Variants in MYO5B observed in about 807,000 individuals in gnomAD.
The protein encoded by MYO5B is unconventional myosin-Vb.
In MYO5B, 143 loss-of-function variants were observed where a neutral mutation model predicts 229.3. The ratio of observed to expected loss-of-function variants is 0.62; its 90% CI spans 0.54 to 0.72. The LOEUF (loss-of-function observed/expected upper bound fraction) is 0.72, where lower values mean the gene tolerates loss of function less well. MYO5B is among the 30% of genes least tolerant of loss of function. The pLI is 0.00. For missense variants in MYO5B, 2,321 were observed against 2,331.0 expected, an observed-to-expected ratio of 1.00 and a Z score of 0.09; for synonymous variants, 918 against 885.2, an observed-to-expected ratio of 1.04 and a Z score of -0.66.
chr18:50,115,835 G>A (rs1440553225), intron 1 of MYO5B, among the ~76,000 whole-genome samples: 1 of 152,078 alleles, frequency 6.6e-6, no homozygotes, highest in Admixed American at 6.5e-5. Flanking sequence ...GGGGAGGGTA[G>A]TGGTAGGTAA....
At chr18:50,004,986 T>A (rs2026086266) in intron 4 of MYO5B, among the ~76,000 whole-genome samples, 1 of 152,212 alleles carries the variant, frequency 6.6e-6, no homozygotes, top group Non-Finnish European at 1.5e-5. Context: ...TTATTTGACC[T>A]TCAGATCATC....
At chr18:50,144,167 C>T (rs2032463411) in intron 1 of MYO5B, among the ~76,000 whole-genome samples, 1 of 152,100 alleles carries the variant, frequency 6.6e-6, no homozygotes. Flanking sequence ...TGTAGGAAAC[C>T]CAAACAATCC....
intron 1 of MYO5B, among the ~76,000 whole-genome samples, chr18:50,096,501 T>C (rs1429091056): frequency 6.6e-6 from 1 of 152,070 alleles, no homozygotes; most frequent in East Asian, 1.9e-4. Context: ...GGTCTGGCTA[T>C]GTCACTCCGT....
intron 22 of MYO5B, among the ~76,000 whole-genome samples, chr18:49,884,295 C>T (rs1336788649): frequency 1.3e-5 from 2 of 152,166 alleles, no homozygotes; most frequent in East Asian, 1.9e-4. Flanking sequence ...AATTTTTCCA[C>T]GGACCAGGGT....
Position 49,937,589 on chromosome 18 carries a change from T to C in MYO5B, c.1753-192A>G, listed in dbSNP as rs79019648. On this transcript the variant is annotated intron_variant, in intron 14 of 39. Coordinates refer to ENST00000285039, the MANE Select transcript of MYO5B (RefSeq NM_001080467.3). Reference sequence around the variant, plus strand: ...TAGGAACAACCCAAATACCAACTGATGAATGGACAAACAAATGTGGTACCT... The same window carrying C: ...TAGGAACAACCCAAATACCAACTGACGAATGGACAAACAAATGTGGTACCT... 4.1e-3 allele frequency among the ~76,000 whole-genome samples: 617 copies of C among 152,254 alleles called. 6 individuals are homozygous for C. Among genetic ancestry groups the C allele is most frequent in the African/African-American group, 0.014 (585 of 41,550 alleles).
At chr18:49,994,291 A>T (rs2025964126) in intron 5 of MYO5B, among the ~76,000 whole-genome samples, 1 of 152,212 alleles carries the variant, frequency 6.6e-6, no homozygotes, top group Admixed American at 6.5e-5. Context: ...CACCCAGTAC[A>T]TGGTAAGCAC....
intron 4 of MYO5B, among the ~76,000 whole-genome samples, chr18:50,033,856 T>C (rs2026418006): frequency 6.6e-6 from 1 of 151,698 alleles, no homozygotes; most frequent in South Asian, 2.1e-4. Context: ...TCCTCTTCTC[T>C]TACGGCTATC....
At chr18:50,110,467 C>T (rs1360554848) in intron 1 of MYO5B, among the ~76,000 whole-genome samples, 1 of 152,120 alleles carries the variant, frequency 6.6e-6, no homozygotes, top group Non-Finnish European at 1.5e-5. Flanking sequence ...AAGTGGGGTA[C>T]TTGGTTGGCA....
chr18:50,115,011 C>T (rs149365162), intron 1 of MYO5B, among the ~76,000 whole-genome samples: 9 of 152,346 alleles, frequency 5.9e-5, no homozygotes, highest in East Asian at 1.9e-4. Context: ...AGAACAGAGA[C>T]GAAGCCAGAG....
At chr18:49,892,719 AACC>A (rs1241469066) in intron 22 of MYO5B, among the ~76,000 whole-genome samples, 2 of 152,198 alleles carry the variant, frequency 1.3e-5, no homozygotes, top group Non-Finnish European at 2.9e-5. Flanking sequence ...ACCTACCTCC[AACC>A]ACCACAACAA....
At chr18:49,929,178 G>T (rs975299692) in intron 17 of MYO5B, among the ~76,000 whole-genome samples, 1 of 152,134 alleles carries the variant, frequency 6.6e-6, no homozygotes, top group African/African-American at 2.4e-5. Context: ...AGAAAGGGTG[G>T]GGGAATGGTA....
chr18:50,025,673 T>C (rs1382802473), intron 4 of MYO5B, among the ~76,000 whole-genome samples: 1 of 152,198 alleles, frequency 6.6e-6, no homozygotes, highest in Non-Finnish European at 1.5e-5. Context: ...ATGACACTAA[T>C]AGAGGGACAA....
chr18:50,115,287 TC>T (rs1375961580), intron 1 of MYO5B, among the ~76,000 whole-genome samples: 1 of 152,150 alleles, frequency 6.6e-6, no homozygotes, highest in Non-Finnish European at 1.5e-5. Flanking sequence ...TCTCCCCTAC[TC>T]TTCACAATAC....
At chr18:49,843,499 C>G in intron 33 of MYO5B, 107 bp from the exon 34 acceptor site, 1 of 1,377,880 alleles carries the variant, frequency 7.3e-7, no homozygotes, top group Non-Finnish European at 1.0e-6. Context: ...CCCCATAGCT[C>G]ATCTAGGAAT....
intron 16 of MYO5B, among the ~76,000 whole-genome samples, chr18:49,931,847 G>T (rs900054340): frequency 1.3e-5 from 2 of 152,138 alleles, no homozygotes; most frequent in African/African-American, 4.8e-5. Flanking sequence ...TTTGGAAAAG[G>T]CATCCTGTGG....
At chr18:50,040,063 T>C (rs1392562804) in intron 3 of MYO5B, 80 bp downstream of exon 3, 1 of 1,442,106 alleles carries the variant, frequency 6.9e-7, no homozygotes, top group Non-Finnish European at 9.8e-7. Flanking sequence ...AAATGAGGAC[T>C]CCTAAGCATT....
In MYO5B at chr18:49,826,615, T is replaced by C; in HGVS notation, c.5403A>G (p.Leu1801=). 6.2e-7 allele frequency: 1 copy of C among 1,613,174 alleles called. No individual in the cohort carries two copies. Among genetic ancestry groups the C allele is most frequent in the South Asian group, 1.1e-5 (1 of 91,042 alleles). The part of the protein sequence containing the change: ...VAFIRTIQAQ[L]QERNDPQQLL... ...GTTGCTGAGGGTCATTCCGCTCTTG[T>C]AGTTGTGCCTATGGGGAAGAATAAG... The change falls in exon 40 of 40, where the codon CTA becomes CTG. Residue 1801 remains leucine (L), a synonymous_variant. Coordinates refer to ENST00000285039, the MANE Select transcript of MYO5B (RefSeq NM_001080467.3).
At chr18:50,034,744 A>AAAAAC (rs1321738388) in intron 4 of MYO5B, among the ~76,000 whole-genome samples, 10 of 152,254 alleles carry the variant, frequency 6.6e-5, no homozygotes, top group Admixed American at 2.6e-4. Context: ...ACTCCATCTC[A>AAAAAC]AAAACAAAAC....
At chr18:50,051,699 C>T (rs987035026) in intron 2 of MYO5B, among the ~76,000 whole-genome samples, 8 of 152,172 alleles carry the variant, frequency 5.3e-5, no homozygotes, top group Non-Finnish European at 4.4e-5. Context: ...AGATGTTATT[C>T]CCCCAAGAAG....
Sources: allele counts gnomAD v4.1 joint callset (sites outside exome capture counted in the v4.1 genomes callset), GRCh38; gene constraint gnomAD v4.1.1; transcripts MANE v1.5; gene names NCBI Gene and HGNC (gene_info 2026-07-23, HGNC 2026-07-21).